Variants in OR3A2 observed in about 807,000 individuals in gnomAD.
The protein encoded by OR3A2 is olfactory receptor 3A2.
For synonymous variants in OR3A2, 126 were observed against 159.3 expected, an observed-to-expected ratio of 0.79 and a Z score of 1.57; for missense variants, 318 against 392.8, an observed-to-expected ratio of 0.81 and a Z score of 1.61.
chr17:3,299,774 T>C (rs926945528), intron 3 of OR3A2, among the ~76,000 whole-genome samples: 1 of 152,222 alleles, frequency 6.6e-6, no homozygotes, highest in Non-Finnish European at 1.5e-5. Context: ...TAGGACCAGC[T>C]GCTCAGCAAC....
In OR3A2 at chr17:3,311,812, G is replaced by A. The variant is rs2049046571; in HGVS notation, c.-85+24221C>T. ...AGTCTCAGCCTCAGACAAAGATAAG[G>A]GGATTGGGATCCTCAACACTATCCT... On this transcript the variant is annotated intron_variant, in intron 3 of 4. Transcript: ENST00000573491. This position sits in a 1 kb window ranked among gnomAD's most constrained non-coding sequence, Gnocchi z 4.6. 1.0e-5 allele frequency: 2 copies of A among 196,906 alleles called. No individual in the cohort carries two copies. The highest frequency in any genetic ancestry group is 2.1e-5 in the Non-Finnish European group (2 of 93,418). 12.2% of individuals were successfully genotyped at this position (196,906 alleles called of 1,614,324 possible). A position where few individuals can be genotyped will look rare whatever the true frequency, so the allele number is the denominator to read the frequency against.
rs3037631 is a variant in OR3A2, at chr17:3,355,428, T to TTCTC, written c.-178-19306_-178-19303dup. 1.7e-3 allele frequency among the ~76,000 whole-genome samples: 234 copies of TTCTC among 139,648 alleles called. 4 individuals carry two copies. In the Middle Eastern group the frequency reaches 0.017, roughly 10 times the overall value. The allele number at this position is 139,648 out of a possible 152,430, so 91.6% of individuals were successfully genotyped here. The stretch of plus-strand genomic sequence containing the variant: ...TCTCCCACTATTATCATGTTGGCAT[T>TTCTC]TCTCTCTCTCTCTCTCTCTCTCTCT... On this transcript the variant is annotated intron_variant, in intron 2 of 4. Coordinates refer to the OR3A2 transcript ENST00000573491.
chr17:3,371,528 A>C (rs1373542818), intron 2 of OR3A2, among the ~76,000 whole-genome samples: 348 of 49,616 alleles, frequency 7.0e-3, no homozygotes, highest in Non-Finnish European at 7.5e-3. Context: ...GGCTGACCCC[A>C]CCACCTCCCT....
chr17:3,338,408 T>G (rs2049289267), intron 2 of OR3A2, among the ~76,000 whole-genome samples: 1 of 152,236 alleles, frequency 6.6e-6, no homozygotes, highest in Non-Finnish European at 1.5e-5. Context: ...GTTTTAGGCC[T>G]AATATTTAAG....
At chr17:3,374,380 C>G (rs1406900178) in intron 2 of OR3A2, among the ~76,000 whole-genome samples, 1 of 152,192 alleles carries the variant, frequency 6.6e-6, no homozygotes, top group East Asian at 1.9e-4. Flanking sequence ...CAATTATTCC[C>G]TTCAGTAAGT....
chr17:3,345,293 T>A lies in OR3A2; in HGVS notation c.-178-9167A>T, dbSNP rs986946853. 3.3e-5 allele frequency among the ~76,000 whole-genome samples: 5 copies of A among 152,320 alleles called. No homozygotes were observed. The East Asian group carries it at 9.7e-4, about 29-fold the overall frequency. On this transcript the variant is annotated intron_variant, in intron 2 of 4. Coordinates refer to the OR3A2 transcript ENST00000573491. ...ACCAAGTAAATAATCCGGACACATC[T>A]ATTGGTCCACAAGCCTCACCCTTTC...
At chr17:3,286,072 C>T (rs774454447), upstream of OR3A2, among the ~76,000 whole-genome samples, 4 of 152,148 alleles carry the variant, frequency 2.6e-5, no homozygotes, top group Admixed American at 6.5e-5. Flanking sequence ...CCTTGCCCCC[C>T]ACCCCCCAAG....
At chr17:3,339,728 A>C (rs1256812845) in intron 2 of OR3A2, among the ~76,000 whole-genome samples, 1 of 152,080 alleles carries the variant, frequency 6.6e-6, no homozygotes, top group East Asian at 1.9e-4. Flanking sequence ...TATTGGTCTA[A>C]AATTCTTTTT....
chr17:3,354,797 AT>A (rs1421522924), intron 2 of OR3A2, among the ~76,000 whole-genome samples: 2 of 150,578 alleles, frequency 1.3e-5, no homozygotes, highest in South Asian at 4.2e-4. Flanking sequence ...TCTTTTACTA[AT>A]TTTGGGGTAG....
At chr17:3,309,694 C>G (rs910551108) in intron 3 of OR3A2, among the ~76,000 whole-genome samples, 1 of 152,174 alleles carries the variant, frequency 6.6e-6, no homozygotes, top group Non-Finnish European at 1.5e-5. Flanking sequence ...GAAATGTCCT[C>G]GGTGATGTTT....
chr17:3,328,942 G>A (rs969702517), intron 3 of OR3A2, among the ~76,000 whole-genome samples: 1 of 151,480 alleles, frequency 6.6e-6, no homozygotes, highest in African/African-American at 2.4e-5. Flanking sequence ...TTTTGTCAAA[G>A]GCCTTTTCTG....
intron 3 of OR3A2, among the ~76,000 whole-genome samples, chr17:3,303,722 CGAATGAGCAA>C (rs2048981440): frequency 4.7e-5 from 6 of 128,042 alleles, no homozygotes; most frequent in South Asian, 2.7e-4. Flanking sequence ...TCCAGCCTGG[CGAATGAGCAA>C]GACTTCATCT....
chr17:3,328,055 C>T (rs1258508099), intron 3 of OR3A2, among the ~76,000 whole-genome samples: 2 of 145,366 alleles, frequency 1.4e-5, no homozygotes, highest in Non-Finnish European at 3.0e-5. Flanking sequence ...TTTTTGGTTC[C>T]ATATGAACTT....
chr17:3,292,351 T>C lies in OR3A2; in HGVS notation c.-84-13198A>G, dbSNP rs16952828. 1.9e-3 allele frequency: 3,046 copies of C among 1,614,030 alleles called. 61 individuals carry two copies. In the African/African-American group the frequency reaches 0.037, roughly 20 times the overall value. ...CTCAACATTGATGGAACAGTGACGCTGATGCACCCAACATCCAGCACTGAT... is the reference window on the plus strand; with the variant it reads ...CTCAACATTGATGGAACAGTGACGCCGATGCACCCAACATCCAGCACTGAT... On this transcript the variant is annotated intron_variant, in intron 3 of 4. Coordinates refer to the OR3A2 transcript ENST00000573491.
intron 3 of OR3A2, chr17:3,292,482 A>T (rs773023996): frequency 1.9e-6 from 3 of 1,613,668 alleles, no homozygotes; most frequent in Non-Finnish European, 2.5e-6. Flanking sequence ...GGCAAAGAGG[A>T]AGAGCACAAA....
chr17:3,372,965 T>C (rs1169386597), intron 2 of OR3A2, among the ~76,000 whole-genome samples: 2 of 152,076 alleles, frequency 1.3e-5, no homozygotes, highest in East Asian at 1.9e-4. Flanking sequence ...CTCTTAGCAC[T>C]ACTTTTGCTA....
At chr17:3,323,551 TG>T (rs2049144314) in intron 3 of OR3A2, among the ~76,000 whole-genome samples, 1 of 152,136 alleles carries the variant, frequency 6.6e-6, no homozygotes, top group Admixed American at 6.6e-5. Flanking sequence ...AGTGCAGGCC[TG>T]GTGGTGACAA....
intron 2 of OR3A2, among the ~76,000 whole-genome samples, chr17:3,362,290 A>G (rs1422768023): frequency 2.0e-5 from 3 of 151,278 alleles, no homozygotes; most frequent in African/African-American, 4.9e-5. Context: ...TATGGCATCT[A>G]TTTGATTATT....
intron 3 of OR3A2, among the ~76,000 whole-genome samples, chr17:3,330,486 T>C (rs1368458378): frequency 1.3e-5 from 2 of 152,102 alleles, no homozygotes; most frequent in Non-Finnish European, 1.5e-5. Context: ...TTGTCTCTTT[T>C]GATTTTGTTG....
Sources: gnomAD v4.1 joint callset for allele counts (sites outside exome capture counted in the v4.1 genomes callset) on GRCh38, gnomAD v4.1.1 for gene constraint, Gnocchi (gnomAD v3.1) non-coding constraint, MANE v1.5 for transcripts, NCBI Gene and HGNC (gene_info 2026-07-23, HGNC 2026-07-21) for gene names.